Variants in CTIF observed in about 807,000 individuals in gnomAD.
The protein encoded by CTIF is cap binding complex dependent translation initiation factor.
Under a neutral mutation model 66.0 loss-of-function variants are expected in CTIF, and 21 were observed. The observed-to-expected ratio is 0.32, with a 90% CI of 0.23 to 0.46. The LOEUF (loss-of-function observed/expected upper bound fraction) is 0.46. CTIF is among the 20% of genes least tolerant of loss of function. The probability of loss-of-function intolerance (pLI) is 1.00; values close to 1 mark genes in which losing one functional copy is unlikely to be tolerated. For synonymous variants in CTIF, 345 were observed against 326.4 expected, an observed-to-expected ratio of 1.06 and a Z score of -0.62; for missense variants, 739 against 812.7, an observed-to-expected ratio of 0.91 and a Z score of 1.10.
chr18:48,655,297 TAAA>T (rs35564462), intron 3 of CTIF, among the ~76,000 whole-genome samples: 22 of 106,188 alleles, frequency 2.1e-4, no homozygotes, highest in Admixed American at 2.8e-4. Flanking sequence ...AGAGCAAGAC[TAAA>T]AAAAAAAAAA....
intron 9 of CTIF, among the ~76,000 whole-genome samples, chr18:48,808,948 T>C (rs1376823342): frequency 6.6e-6 from 1 of 152,250 alleles, no homozygotes; most frequent in African/African-American, 2.4e-5. Context: ...GGAGTACAGA[T>C]TGATATTAAA....
chr18:48,861,616 G>GGAGA lies in CTIF; in HGVS notation c.*2060_*2063dup, dbSNP rs3840891. ...GGAGGAGGCAAGGCCCCCGAAGAGA[G>GGAGA]GAGAGACCTGGGAGTGGGAGCTCAG... On this transcript the variant is annotated 3_prime_UTR_variant, in exon 12 of 12. Coordinates refer to ENST00000256413, the MANE Select transcript of CTIF (RefSeq NM_014772.3). The GGAGA allele has an allele frequency of 0.13, 19,657 of 152,482 alleles. 2,008 individuals carry two copies. The highest frequency in any genetic ancestry group is 0.26 in the African/African-American group (10,902 of 41,504). The allele number at this position is 152,482 out of a possible 1,614,324, so 9.4% of individuals were successfully genotyped here.
intron 7 of CTIF, among the ~76,000 whole-genome samples, chr18:48,734,549 G>A (rs544525449): frequency 5.3e-5 from 8 of 152,352 alleles, no homozygotes; most frequent in Non-Finnish European, 1.0e-4. Context: ...CTGGGTGACA[G>A]AGTGAGTGAG....
intron 6 of CTIF, chr18:48,692,606 A>C (rs899163124): frequency 1.3e-5 from 2 of 152,166 alleles, no homozygotes; most frequent in African/African-American, 4.8e-5. Context: ...TCTGGTGAAC[A>C]TGCAGCTTCT....
chr18:48,852,880 C>A (rs2069239889), intron 10 of CTIF, among the ~76,000 whole-genome samples: 2 of 152,246 alleles, frequency 1.3e-5, no homozygotes, highest in South Asian at 4.1e-4. Context: ...TAGAGTGATA[C>A]CAGCTTGTAT....
chr18:48,813,168 G>C (rs1409324560), intron 9 of CTIF, among the ~76,000 whole-genome samples: 1 of 151,996 alleles, frequency 6.6e-6, no homozygotes, highest in Non-Finnish European at 1.5e-5. Flanking sequence ...TGGATTTCTA[G>C]TTTCCATTGG....
At chr18:48,829,488 C>T (rs2068646719) in intron 10 of CTIF, among the ~76,000 whole-genome samples, 1 of 152,232 alleles carries the variant, frequency 6.6e-6, no homozygotes, top group Non-Finnish European at 1.5e-5. Flanking sequence ...TATAAGCCTG[C>T]CTGTTTCCCA....
chr18:48,778,504 G>T (rs902562270), intron 9 of CTIF, among the ~76,000 whole-genome samples: 2 of 152,208 alleles, frequency 1.3e-5, no homozygotes, highest in African/African-American at 2.4e-5. Flanking sequence ...CTCATCCGGG[G>T]TTTGTACCAG....
chr18:48,553,660 C>CT lies in CTIF; in HGVS notation c.-29+14362dup, dbSNP rs1276662351. On this transcript the variant is annotated intron_variant, in intron 1 of 11. Transcript: ENST00000256413. ...GACTTTCTTTTTCTTTTTCTTTTTC[C>CT]TTTTTTTTTTTTTTGAGACAAGTCT... Among the ~76,000 whole-genome samples, 1,257 of 132,294 alleles carry CT rather than the reference C, an allele frequency of 9.5e-3. 7 individuals are homozygous for CT. The highest frequency in any genetic ancestry group is 0.04 in the Middle Eastern group (11 of 274). The allele number at this position is 132,294 out of a possible 152,430, so 86.8% of individuals were successfully genotyped here.
intron 1 of CTIF, among the ~76,000 whole-genome samples, chr18:48,543,527 C>T (rs988588047): frequency 2.0e-5 from 3 of 152,144 alleles, no homozygotes; most frequent in South Asian, 2.1e-4. Flanking sequence ...GTGTTAGCAC[C>T]GTGCTCTCAG....
intron 6 of CTIF, among the ~76,000 whole-genome samples, chr18:48,704,709 G>A (rs555814645): frequency 3.1e-4 from 47 of 152,302 alleles, no homozygotes; most frequent in Admixed American, 1.2e-3. Context: ...ATATCGGACC[G>A]GGGCCCCACA....
intron 1 of CTIF, among the ~76,000 whole-genome samples, chr18:48,562,737 C>T (rs1430961872): frequency 2.0e-5 from 3 of 152,130 alleles, no homozygotes; most frequent in African/African-American, 4.8e-5. Flanking sequence ...TCATTTTTAT[C>T]GAGCATGATC....
At chr18:48,727,161 T>C (rs1367410323) in intron 7 of CTIF, among the ~76,000 whole-genome samples, 3 of 152,024 alleles carry the variant, frequency 2.0e-5, no homozygotes, top group Non-Finnish European at 2.9e-5. Context: ...GATACACTTA[T>C]TCAAGAAGAG....
intron 1 of CTIF, among the ~76,000 whole-genome samples, chr18:48,551,413 C>T (rs2088877637): frequency 6.6e-6 from 1 of 151,980 alleles, no homozygotes; most frequent in Non-Finnish European, 1.5e-5. Context: ...CTGCTCACAC[C>T]TTGGTTTTGG....
intron 7 of CTIF, among the ~76,000 whole-genome samples, chr18:48,748,432 C>T (rs538878501): frequency 6.6e-6 from 1 of 152,254 alleles, no homozygotes; most frequent in South Asian, 2.1e-4. Context: ...TCCACCTTCA[C>T]TCCAGCCCTG....
chr18:48,624,077 T>TTTGACACCTCGCCCCTCCCCATGC (rs2090548943), intron 2 of CTIF, among the ~76,000 whole-genome samples: 1 of 107,752 alleles, frequency 9.3e-6, no homozygotes, highest in African/African-American at 3.6e-5. Flanking sequence ...CCTCCCCATG[T>TTTGACACCTCGCCCCTCCCCATGC]TTGACACCAC....
intron 9 of CTIF, among the ~76,000 whole-genome samples, chr18:48,772,900 G>A (rs886129189): frequency 6.6e-6 from 1 of 152,186 alleles, no homozygotes; most frequent in Non-Finnish European, 1.5e-5. Flanking sequence ...AGCTTTTTGA[G>A]TATCTGCCAA....
chr18:48,821,974 G>A (rs572826182), intron 10 of CTIF, among the ~76,000 whole-genome samples: 5 of 152,178 alleles, frequency 3.3e-5, no homozygotes, highest in South Asian at 2.1e-4. Context: ...ATTGATTAGC[G>A]ACTCCCCATC....
rs1177229956 is a variant in CTIF at position 48,758,157 on chromosome 18, A to G, written c.823A>G (p.Met275Val). Residue 275 changes from methionine (M) to valine (V), a missense_variant, in exon 8 of 12, where the codon ATG becomes GTG. Physicochemically the swap from Met to Val is conservative, Grantham distance 21. This residue lies in a region of CTIF where 529 missense variants were observed against 520.3 expected (regional missense o/e 1.02). Coordinates refer to ENST00000256413, the MANE Select transcript of CTIF (RefSeq NM_014772.3). The stretch of plus-strand genomic sequence containing the variant: ...CGCACACCGCAATGCCAAAGAGACC[A>G]TGACCATCGAGAACCCAAAACTGGA... ...AGAHRNAKET[M>V]TIENPKLEDT... 1.2e-6 allele frequency: 2 copies of G among 1,613,990 alleles called. No homozygotes were observed. The highest frequency in any genetic ancestry group is 1.7e-6 in the Non-Finnish European group (2 of 1,179,996).
Sources: gnomAD v4.1 joint callset for allele counts (sites outside exome capture counted in the v4.1 genomes callset) on GRCh38, gnomAD v4.1.1 for gene constraint, gnomAD v4.1.1 regional missense constraint, MANE v1.5 for transcripts, NCBI Gene and HGNC (gene_info 2026-07-23, HGNC 2026-07-21) for gene names.